Variants in BRD8 observed in about 807,000 individuals in gnomAD.
BRD8 encodes bromodomain-containing protein 8.
Under a neutral mutation model 143.1 loss-of-function variants are expected in BRD8, and 67 were observed. The ratio of observed to expected loss-of-function variants is 0.47; its 90% CI spans 0.38 to 0.57. BRD8 has a LOEUF of 0.57. BRD8 is among the 20% of genes least tolerant of loss of function. BRD8 has a pLI of 0.00. For missense variants in BRD8, 1,103 were observed against 1,503.0 expected (o/e 0.73, Z 4.40); for synonymous variants, 505 against 517.1 (o/e 0.98, Z 0.32).
At chr5:138,153,831 C>T (rs1752467152) in intron 20 of BRD8, among the ~76,000 whole-genome samples, 1 of 152,036 alleles carries the variant, frequency 6.6e-6, no homozygotes, top group Admixed American at 6.6e-5. Context: ...TGCCCACCAC[C>T]ATGCCCGGCT....
rs1233672402 is a variant in BRD8, at chr5:138,140,880, G to A, written c.3440C>T (p.Pro1147Leu). 9.9e-6 allele frequency: 16 copies of A among 1,613,690 alleles called. No homozygotes were observed. Among genetic ancestry groups the A allele is most frequent in the Non-Finnish European group, 1.2e-5 (14 of 1,179,802 alleles). The change falls in exon 26 of 27, where the codon CCC (proline) becomes CTC (leucine). Residue 1147 changes from proline (P) to leucine (L), a missense_variant and splice_region_variant. Physicochemically the swap from Pro to Leu is moderately conservative, Grantham distance 98 (BLOSUM62 -3). This residue lies in a region of BRD8 where 369 missense variants were observed against 445.5 expected (regional missense o/e 0.83). Coordinates refer to ENST00000254900, the MANE Select transcript of BRD8 (RefSeq NM_139199.2). ...TCTCTTCAGGCTAGTTAAGTCCATG[G>A]GTCTGCAGGTGGCCAAGAAAAAACA... ...APGYKDVVKR[P>L]MDLTSLKRNL...
rs758240752 is a variant in BRD8, at chr5:138,166,528, A to G, written c.987T>C (p.Ser329=). The change falls in exon 10 of 27, where the codon AGT becomes AGC. Residue 329 remains serine, a synonymous_variant. Coordinates refer to ENST00000254900, the MANE Select transcript of BRD8 (RefSeq NM_139199.2). The stretch of plus-strand genomic sequence containing the variant: ...TGCTCAGGGACGCACCTGGAGCTAC[A>G]CTTTCAGTAGTGGAGACAGCCGGAG... ...SSAPAVSTTE[S]VAPVSQPDNC... 1.9e-6 allele frequency: 3 copies of G among 1,608,418 alleles called. No individual in the cohort carries two copies. The South Asian group carries it at 3.3e-5, about 18-fold the overall frequency.
At chr5:138,164,512 T>G in intron 12 of BRD8, 99 bp from the exon 13 acceptor site, 1 of 1,286,018 alleles carries the variant, frequency 7.8e-7, no homozygotes, top group Non-Finnish European at 1.1e-6. Flanking sequence ...GAAGAAATTC[T>G]AAGTCCTACT....
At chr5:138,163,488 T>G in intron 14 of BRD8, 144 bp from the exon 15 acceptor site, 1 of 1,344,640 alleles carries the variant, frequency 7.4e-7, no homozygotes, top group South Asian at 1.3e-5. Flanking sequence ...TCACTTATAC[T>G]ACCATCTACT....
intron 14 of BRD8, 167 bp from the exon 15 acceptor site, chr5:138,163,511 G>A (rs141186691): frequency 2.0e-5 from 28 of 1,396,800 alleles, no homozygotes; most frequent in South Asian, 1.8e-4. Flanking sequence ...CAGACACTGC[G>A]TTAAGTAATT....
rs758872231 is a variant in BRD8 at position 138,164,321 on chromosome 5, TGAC to T, written c.1821_1823del (p.Met607_Ser608delinsIle). ...TCAGTGAAAGAGGACTTTATTTACC[TGAC>T]ATTTCAAACTTGTGCTGAGTCTCTG... On this transcript the variant is annotated inframe_deletion and splice_region_variant, in exon 13 of 27. Coordinates refer to ENST00000254900, the MANE Select transcript of BRD8 (RefSeq NM_139199.2). 1.2e-6 allele frequency: 2 copies of T among 1,613,602 alleles called. No homozygotes were observed. The highest frequency in any genetic ancestry group is 1.3e-5 in the African/African-American group (1 of 74,896).
intron 25 of BRD8, among the ~76,000 whole-genome samples, chr5:138,141,400 G>C (rs1397677613): frequency 6.6e-6 from 1 of 152,190 alleles, no homozygotes; most frequent in South Asian, 2.1e-4. Flanking sequence ...AAAGTACTGG[G>C]ATTACAAGTG....
intron 2 of BRD8, among the ~76,000 whole-genome samples, chr5:138,176,681 A>G (rs1264217585): frequency 6.6e-6 from 1 of 152,194 alleles, no homozygotes; most frequent in East Asian, 1.9e-4. Context: ...TTAGAATAAA[A>G]TGTTCTAAAA....
At chr5:138,168,938 T>C (rs1753653729) in intron 8 of BRD8, among the ~76,000 whole-genome samples, 1 of 152,132 alleles carries the variant, frequency 6.6e-6, no homozygotes, top group African/African-American at 2.4e-5. Flanking sequence ...ACTACCAATA[T>C]TACATTTACA....
chr5:138,142,933 T>C (rs112547216), intron 25 of BRD8, among the ~76,000 whole-genome samples: 1,524 of 151,872 alleles, frequency 0.01, 19 homozygotes, highest in Non-Finnish European at 0.016. Context: ...CTCAGTGATA[T>C]TCTGAAGAAA....
rs140576627 is a variant in BRD8 at position 138,165,547 on chromosome 5, A to G, written c.1278+281T>C. On this transcript the variant is annotated intron_variant, in intron 11 of 26. Transcript: ENST00000254900. ...TTGAGACCAGCCTGGCCAACATGGT[A>G]AAACTCATCTCTACTAAAAATACAA... 3.7e-3 allele frequency among the ~76,000 whole-genome samples: 565 copies of G among 152,170 alleles called. 3 individuals carry two copies. Among genetic ancestry groups the G allele is most frequent in the African/African-American group, 0.013 (537 of 41,478 alleles).
In BRD8 at chr5:138,140,691, T is replaced by G; in HGVS notation, c.3615+14A>C. The G allele has an allele frequency of 6.2e-7, 1 of 1,610,260 alleles. No individual in the cohort carries two copies. The highest frequency in any genetic ancestry group is 8.5e-7 in the Non-Finnish European group (1 of 1,176,402). On this transcript the variant is annotated intron_variant, in intron 26 of 26. Transcript: ENST00000254900. ...ATCAAGATTCCAGAGGCTACAGGTA[T>G]CTGCATACAGTACCTGAATCTGCTC...
chr5:138,177,476 A>G, intron 2 of BRD8, 95 bp downstream of exon 2: 4 of 761,342 alleles, frequency 5.3e-6, no homozygotes, highest in Non-Finnish European at 9.0e-6. Flanking sequence ...AAGTCTACTT[A>G]CAGCTTAATA....
intron 25 of BRD8, among the ~76,000 whole-genome samples, chr5:138,143,389 A>G (rs1391560913): frequency 6.6e-6 from 1 of 152,094 alleles, no homozygotes; most frequent in Non-Finnish European, 1.5e-5. Context: ...TGAAGTGGGA[A>G]GATTGCTTGA....
At chr5:138,164,461 T>C (rs898532640) in intron 12 of BRD8, 48 bp from the exon 13 acceptor site, 2 of 1,540,448 alleles carry the variant, frequency 1.3e-6, no homozygotes, top group Non-Finnish European at 9.0e-7. Flanking sequence ...TAAATCGCTA[T>C]AGCTCACACA....
intron 17 of BRD8, 54 bp from the exon 18 acceptor site, chr5:138,161,122 T>A: frequency 7.1e-7 from 1 of 1,399,692 alleles, no homozygotes; most frequent in Non-Finnish European, 9.8e-7. Flanking sequence ...AGGACGCACC[T>A]AGATCTATGA....
At position 138,143,431 on chromosome 5, in the gene BRD8, A is replaced by C. The variant is rs187064840; in HGVS notation, c.3437+1746T>G. 2.5e-3 allele frequency among the ~76,000 whole-genome samples: 387 copies of C among 152,324 alleles called. 2 individuals are homozygous for C. The highest frequency in any genetic ancestry group is 8.5e-3 in the African/African-American group (352 of 41,580). ...GAGGTCAAGGCTGCAGTGAACCATG[A>C]TTGCACCACTGCACTCCAGCAACAG... On this transcript the variant is annotated intron_variant, in intron 25 of 26. Transcript: ENST00000254900.
At chr5:138,144,918 A>AATATAT (rs71583301) in intron 25 of BRD8, among the ~76,000 whole-genome samples, 9 of 89,824 alleles carry the variant, frequency 1.0e-4, no homozygotes, top group Middle Eastern at 5.7e-3. Context: ...AAAAAAAAAA[A>AATATAT]ATATATATAT....
chr5:138,145,171 A>C lies in BRD8; in HGVS notation c.3437+6T>G. 6.2e-7 allele frequency: 1 copy of C among 1,611,124 alleles called. No homozygotes were observed. Among genetic ancestry groups the C allele is most frequent in the Non-Finnish European group, 8.5e-7 (1 of 1,179,238 alleles). On this transcript the variant is annotated splice_donor_region_variant and intron_variant, in intron 25 of 26. Transcript: ENST00000254900. Reference sequence around the variant, plus strand: ...ACCAACCTTTCTTGACCCCTTTTTCACTGACCTTTTCACCACATCCTTGTA... The same window carrying C: ...ACCAACCTTTCTTGACCCCTTTTTCCCTGACCTTTTCACCACATCCTTGTA...
Sources: gnomAD v4.1 joint callset for allele counts (sites outside exome capture counted in the v4.1 genomes callset) on GRCh38, gnomAD v4.1.1 for gene constraint, gnomAD v4.1.1 regional missense constraint, MANE v1.5 for transcripts, NCBI Gene and HGNC (gene_info 2026-07-23, HGNC 2026-07-21) for gene names.